Variants in PDE1C observed in about 807,000 individuals in gnomAD.
The protein encoded by PDE1C is dual specificity calcium/calmodulin-dependent 3',5'-cyclic nucleotide phosphodiesterase 1C.
Under a neutral mutation model 93.1 loss-of-function variants are expected in PDE1C, and 62 were observed. The ratio of observed to expected loss-of-function variants is 0.67; its 90% CI spans 0.54 to 0.82. The LOEUF (loss-of-function observed/expected upper bound fraction) is 0.82, where lower values mean the gene tolerates loss of function less well. Among genes scored for constraint, PDE1C ranks in the 40% least tolerant of loss-of-function variants. The probability of loss-of-function intolerance (pLI) is 0.00; values close to 1 mark genes in which losing one functional copy is unlikely to be tolerated. For synonymous variants in PDE1C, 325 were observed against 310.1 expected (o/e 1.05, Z -0.50); for missense variants, 742 against 884.6 (o/e 0.84, Z 2.04).
chr7:31,646,629 C>T, the PDE1C span, among the ~76,000 whole-genome samples: 3 of 152,152 alleles, frequency 2.0e-5, no homozygotes, highest in African/African-American at 7.2e-5. Flanking sequence ...GCATGAGTAG[C>T]CCCAGCTGTG....
chr7:32,354,480 T>C (rs1171553316), intron 1 of PDE1C, among the ~76,000 whole-genome samples: 1 of 152,152 alleles, frequency 6.6e-6, no homozygotes, highest in African/African-American at 2.4e-5. Flanking sequence ...AATTTTTTAA[T>C]ATTAACTGAG....
chr7:31,895,805 G>A (rs1382419842), intron 2 of PDE1C, among the ~76,000 whole-genome samples: 2 of 152,038 alleles, frequency 1.3e-5, no homozygotes, highest in Non-Finnish European at 2.9e-5. Context: ...CAGTTCCCCT[G>A]CACATGCTCT....
intron 11 of PDE1C, among the ~76,000 whole-genome samples, chr7:31,835,276 G>C (rs1790916692): frequency 6.6e-6 from 1 of 152,052 alleles, no homozygotes; most frequent in African/African-American, 2.4e-5. Flanking sequence ...TATGACAGGG[G>C]GAGTGGAGAT....
chr7:32,019,069 G>A (rs1788295586), intron 2 of PDE1C, among the ~76,000 whole-genome samples: 1 of 150,874 alleles, frequency 6.6e-6, no homozygotes, highest in Non-Finnish European at 1.5e-5. Context: ...CATAGTGCTA[G>A]GTAAGGGGCC....
At chr7:31,944,404 G>C (rs1004287754) in intron 2 of PDE1C, among the ~76,000 whole-genome samples, 4 of 152,316 alleles carry the variant, frequency 2.6e-5, no homozygotes, top group South Asian at 4.1e-4. Flanking sequence ...TTCTCCCCCA[G>C]GCTGCCATTC....
At chr7:31,902,693 A>G (rs1393703308) in intron 2 of PDE1C, among the ~76,000 whole-genome samples, 1 of 151,788 alleles carries the variant, frequency 6.6e-6, no homozygotes. Flanking sequence ...ATTGATTAAA[A>G]ACATTATTGT....
chr7:31,832,473 A>G (rs1241541319), intron 11 of PDE1C, among the ~76,000 whole-genome samples: 1 of 152,218 alleles, frequency 6.6e-6, no homozygotes, highest in East Asian at 1.9e-4. Context: ...CAGCACTGAG[A>G]CTATGCCCTT....
intron 2 of PDE1C, chr7:32,209,356 C>T (rs1805841896): frequency 1.3e-6 from 1 of 755,332 alleles, no homozygotes; most frequent in South Asian, 1.9e-5. Flanking sequence ...GGGATGTTAA[C>T]CAGATGATAT....
At chr7:31,762,051 A>G (rs1794864103) in intron 17 of PDE1C, among the ~76,000 whole-genome samples, 1 of 152,220 alleles carries the variant, frequency 6.6e-6, no homozygotes, top group African/African-American at 2.4e-5. Flanking sequence ...TCAGATGAAG[A>G]CATTTAGGAA....
At chr7:32,094,881 C>T (rs1198862874) in intron 3 of PDE1C, among the ~76,000 whole-genome samples, 3 of 151,126 alleles carry the variant, frequency 2.0e-5, no homozygotes, top group South Asian at 4.1e-4. Flanking sequence ...CTTGTCTAAC[C>T]TCCAACCACA....
chr7:32,022,187 A>T (rs30559), intron 2 of PDE1C, among the ~76,000 whole-genome samples: 27,617 of 151,988 alleles, frequency 0.18, 2,761 homozygotes, highest in East Asian at 0.34. Context: ...AGGAAAAAAG[A>T]AAAGAAGGGA....
intron 7 of PDE1C, among the ~76,000 whole-genome samples, chr7:31,852,882 T>C (rs1446878495): frequency 1.3e-5 from 2 of 152,148 alleles, no homozygotes; most frequent in Admixed American, 6.5e-5. Context: ...GCATTGTCTT[T>C]CTTTTCTTCC....
At chr7:31,695,860 G>T in the PDE1C span, 2 of 321,272 alleles carry the variant, frequency 6.2e-6, no homozygotes, top group African/African-American at 2.2e-5. Context: ...TGAAACCATG[G>T]GGTGAGGAGG....
chr7:31,742,531 C>T, the PDE1C span, among the ~76,000 whole-genome samples: 8 of 152,026 alleles, frequency 5.3e-5, no homozygotes, highest in African/African-American at 1.9e-4. Context: ...ACAAGGAGAC[C>T]CTATCTCTAA....
At chr7:32,327,824 G>A (rs1783435583) in intron 1 of PDE1C, among the ~76,000 whole-genome samples, 1 of 118,454 alleles carries the variant, frequency 8.4e-6, no homozygotes, top group African/African-American at 2.7e-5. Flanking sequence ...TTTGTGTCTG[G>A]CTTCTTTCAC....
At chr7:32,009,922 A>G (rs1297301004) in intron 2 of PDE1C, among the ~76,000 whole-genome samples, 1 of 152,220 alleles carries the variant, frequency 6.6e-6, no homozygotes, top group African/African-American at 2.4e-5. Context: ...ATTTAAAAAT[A>G]CCATCTATAG....
intron 1 of PDE1C, among the ~76,000 whole-genome samples, chr7:32,383,060 GGGCATCTCA>G (rs1784562533): frequency 6.6e-6 from 1 of 152,194 alleles, no homozygotes; most frequent in African/African-American, 2.4e-5. Context: ...ATTAACATTA[GGGCATCTCA>G]GGACTATTCA....
chr7:31,835,664 C>A lies in PDE1C; in HGVS notation c.1203+1516G>T, dbSNP rs191041456. Among the ~76,000 whole-genome samples, 476 of 151,990 alleles carry A rather than the reference C, an allele frequency of 3.1e-3. 3 individuals carry two copies. The highest frequency in any genetic ancestry group is 0.011 in the African/African-American group (451 of 41,438). On this transcript the variant is annotated intron_variant, in intron 11 of 17. Coordinates refer to ENST00000396191, the MANE Select transcript of PDE1C (RefSeq NM_001191057.4). ...CTTATCCTAAATCCTTCCCTCCCCC[C>A]GCTCCCCCAACATAAATCACAGATA...
intron 3 of PDE1C, among the ~76,000 whole-genome samples, chr7:32,119,868 G>C (rs1799199164): frequency 6.6e-6 from 1 of 152,236 alleles, no homozygotes; most frequent in Non-Finnish European, 1.5e-5. Context: ...AGCCAGCCAA[G>C]TTTCCCGGGG....
Sources: allele counts gnomAD v4.1 joint callset (sites outside exome capture counted in the v4.1 genomes callset), GRCh38; gene constraint gnomAD v4.1.1; transcripts MANE v1.5; gene names NCBI Gene and HGNC (gene_info 2026-07-23, HGNC 2026-07-21).